The following SLC2A5 variants were observed in gnomAD, a reference collection of about 807,000 sequenced individuals.
The protein encoded by SLC2A5 is solute carrier family 2 member 5.
A neutral mutation model predicts 50.3 loss-of-function variants in SLC2A5; 56 were observed. The ratio of observed to expected loss-of-function variants is 1.11; its 90% CI spans 0.90 to 1.39. The LOEUF (loss-of-function observed/expected upper bound fraction) is 1.39. Among genes scored for constraint, SLC2A5 ranks in the 40% most tolerant of loss-of-function variants. The pLI is 0.00. For missense variants in SLC2A5, 566 were observed against 650.1 expected (o/e 0.87, Z 1.41); for synonymous variants, 269 against 281.9 (o/e 0.95, Z 0.46).
At chr1:9,087,456 A>G (rs112898297) in intron 1 of SLC2A5, among the ~76,000 whole-genome samples, 6,284 of 152,048 alleles carry the variant, frequency 0.041, 268 homozygotes, top group African/African-American at 0.1. Context: ...TTCCCGCCTC[A>G]GCCTCCCAAA....
At position 9,037,479 on chromosome 1, in the gene SLC2A5, A is replaced by G; in HGVS notation, c.*107T>C. 1 of 931,464 alleles carries G rather than the reference A, an allele frequency of 1.1e-6. No homozygotes were observed. The highest frequency in any genetic ancestry group is 1.5e-5 in the South Asian group (1 of 68,540). The allele number at this position is 931,464 out of a possible 1,614,324, so 57.7% of individuals were successfully genotyped here. ...GCTGGAGATGAGGACTGCATTCCAC[A>G]TCAGAGTTGTTTTATTTCTGGATAT... On this transcript the variant is annotated 3_prime_UTR_variant, in exon 12 of 12. Coordinates refer to ENST00000377424, the MANE Select transcript of SLC2A5 (RefSeq NM_003039.3).
chr1:9,039,567 G>T lies in SLC2A5; in HGVS notation c.981C>A (p.Val327=). 4 of 1,574,038 alleles carry T rather than the reference G, an allele frequency of 2.5e-6. No homozygotes were observed. Among genetic ancestry groups the T allele is most frequent in the Non-Finnish European group, 3.4e-6 (4 of 1,160,820 alleles). ...VTAGTGAVNV[V]MTFCAVFVVE... is the part of the protein sequence containing the mutation. ...GGACACTCACGGCGCAGAAGGTCAT[G>T]ACCACGTTCACGGCCCCGGTGCCGG... Residue 327 remains valine, a synonymous_variant, in exon 8 of 12, where the codon GTC becomes GTA. Coordinates refer to ENST00000377424, the MANE Select transcript of SLC2A5 (RefSeq NM_003039.3).
intron 3 of SLC2A5, among the ~76,000 whole-genome samples, chr1:9,050,151 C>T (rs1418585634): frequency 6.6e-5 from 10 of 151,990 alleles, no homozygotes; most frequent in African/African-American, 2.2e-4. Context: ...GTGGCACACA[C>T]TTCTAATTCC....
At chr1:9,039,713 C>T (rs897095346) in intron 7 of SLC2A5, 51 bp from the exon 8 acceptor site, 2 of 1,448,046 alleles carry the variant, frequency 1.4e-6, no homozygotes, top group Admixed American at 2.7e-5. Context: ...GCGGCCTCGG[C>T]GCCAGGACCC....
At chr1:9,038,159 G>A (rs1385182189) in intron 10 of SLC2A5, 135 bp from the exon 11 acceptor site, 11 of 1,061,824 alleles carry the variant, frequency 1.0e-5, no homozygotes, top group Non-Finnish European at 1.5e-5. Context: ...GGGGCAGCAC[G>A]TAGGGGGCAA....
chr1:9,092,318 C>T (rs949845953), upstream of SLC2A5, among the ~76,000 whole-genome samples: 3 of 152,146 alleles, frequency 2.0e-5, no homozygotes, highest in African/African-American at 7.2e-5. Flanking sequence ...TCATACAAAA[C>T]AAATTAGTCC....
intron 9 of SLC2A5, 116 bp from the exon 10 acceptor site, chr1:9,038,622 G>A (rs1227410356): frequency 1.6e-6 from 2 of 1,240,566 alleles, no homozygotes; most frequent in Non-Finnish European, 2.3e-6. Context: ...CCCCAGCAGT[G>A]CCACCTCGAT....
Position 9,037,605 on chromosome 1 carries a change from G to A in SLC2A5, c.1487C>T (p.Pro496Leu), listed in dbSNP as rs1359948905. Residue 496 changes from proline (P) to leucine (L), a missense_variant, in exon 12 of 12, where the codon CCT becomes CTT. Coordinates refer to ENST00000377424, the MANE Select transcript of SLC2A5 (RefSeq NM_003039.3). ...CCAGAGTCACTGTTCCGAAGTGACA[G>A]GTGGAAGCTCTTTCAGTTCCTCCTT... is the stretch of plus-strand genomic sequence containing the variant. ...PEKEELKELP[P>L]VTSEQ The A allele has an allele frequency of 6.2e-7, 1 of 1,613,876 alleles. No individual in the cohort carries two copies. The highest frequency in any genetic ancestry group is 8.5e-7 in the Non-Finnish European group (1 of 1,179,986).
chr1:9,091,962 A>G (rs910537324), upstream of SLC2A5, among the ~76,000 whole-genome samples: 2 of 152,196 alleles, frequency 1.3e-5, no homozygotes, highest in Non-Finnish European at 2.9e-5. Flanking sequence ...CCGATTCTAA[A>G]TATGCCTATA....
At chr1:9,042,796 G>A (rs1641341034) in intron 4 of SLC2A5, among the ~76,000 whole-genome samples, 1 of 152,048 alleles carries the variant, frequency 6.6e-6, no homozygotes, top group Non-Finnish European at 1.5e-5. Flanking sequence ...CCAATGCAGA[G>A]ATAGTTTCAT....
intron 1 of SLC2A5, among the ~76,000 whole-genome samples, chr1:9,059,730 CATT>C (rs1409244433): frequency 1.3e-5 from 2 of 151,298 alleles, no homozygotes; most frequent in East Asian, 3.9e-4. Flanking sequence ...ACAGGGGTCT[CATT>C]ATATTGTCCA....
intron 2 of SLC2A5, among the ~76,000 whole-genome samples, chr1:9,081,947 T>TGGCG (rs1346478393): frequency 1.3e-5 from 2 of 152,100 alleles, no homozygotes. Flanking sequence ...TCAGGTGTGT[T>TGGCG]GGTGCACACC....
chr1:9,054,534 AAAAAT>A (rs1290960823), intron 3 of SLC2A5, among the ~76,000 whole-genome samples: 1 of 152,218 alleles, frequency 6.6e-6, no homozygotes, highest in African/African-American at 2.4e-5. Context: ...TTCCACTTGG[AAAAAT>A]AAAATAAAAT....
chr1:9,055,245 C>T (rs543196321), intron 3 of SLC2A5, among the ~76,000 whole-genome samples: 199 of 151,958 alleles, frequency 1.3e-3, no homozygotes, highest in Non-Finnish European at 2.3e-3. Flanking sequence ...TAGCCGGGTG[C>T]GGTGGCTCAC....
chr1:9,083,886 T>A (rs1642377824), intron 2 of SLC2A5, among the ~76,000 whole-genome samples: 1 of 152,008 alleles, frequency 6.6e-6, no homozygotes, highest in African/African-American at 2.4e-5. Context: ...GGCTCACGCC[T>A]GTAATCCCAG....
intron 1 of SLC2A5, among the ~76,000 whole-genome samples, chr1:9,061,688 T>C (rs1641948859): frequency 6.6e-6 from 1 of 152,042 alleles, no homozygotes; most frequent in Non-Finnish European, 1.5e-5. Flanking sequence ...CAAGTGCAGC[T>C]CTTGACCACT....
At chr1:9,078,050 T>A (rs910507028) in intron 2 of SLC2A5, among the ~76,000 whole-genome samples, 1 of 152,210 alleles carries the variant, frequency 6.6e-6, no homozygotes, top group East Asian at 1.9e-4. Flanking sequence ...GGGAGGATTA[T>A]CCACTAGTTT....
At chr1:9,039,042 G>T in intron 8 of SLC2A5, 113 bp from the exon 9 acceptor site, 2 of 1,227,772 alleles carry the variant, frequency 1.6e-6, no homozygotes, top group Non-Finnish European at 2.3e-6. Flanking sequence ...CCACCCATGT[G>T]CACGCACACT....
At chr1:9,092,327 C>G (rs1451345474), upstream of SLC2A5, among the ~76,000 whole-genome samples, 1 of 152,188 alleles carries the variant, frequency 6.6e-6, no homozygotes, top group African/African-American at 2.4e-5. Flanking sequence ...ACAAATTAGT[C>G]CTACCTGACC....
Sources: gnomAD v4.1 joint callset for allele counts (sites outside exome capture counted in the v4.1 genomes callset) on GRCh38, gnomAD v4.1.1 for gene constraint, MANE v1.5 for transcripts, NCBI Gene and HGNC (gene_info 2026-07-23, HGNC 2026-07-21) for gene names.